TXNDC17: variants seen among roughly 807,000 people sequenced by gnomAD.
TXNDC17 encodes thioredoxin domain-containing protein 17.
A neutral mutation model predicts 16.3 loss-of-function variants in TXNDC17; 12 were observed. The ratio of observed to expected loss-of-function variants is 0.74; its 90% CI spans 0.47 to 1.19. The LOEUF is 1.19. TXNDC17 is among the 50% of genes most tolerant of loss of function. The probability of loss-of-function intolerance (pLI) is 0.00; values close to 1 mark genes in which losing one functional copy is unlikely to be tolerated. For synonymous variants in TXNDC17, 62 were observed against 55.0 expected, an observed-to-expected ratio of 1.13 and a Z score of -0.56; for missense variants, 158 against 149.7, an observed-to-expected ratio of 1.06 and a Z score of -0.29.
At position 6,641,217 on chromosome 17, in the gene TXNDC17, C is replaced by A. The variant is rs1255368863; in HGVS notation, c.135C>A (p.Asp45Glu). ...CCGGGGGGAAAAGCTGGTGCCCCGACTGCGTGCAGGGTGAGGCCGGGATTC... is the reference window on the plus strand; with the variant it reads ...CCGGGGGGAAAAGCTGGTGCCCCGAATGCGTGCAGGGTGAGGCCGGGATTC... ...KDAGGKSWCP[D>E]CVQAEPVVRE... Residue 45 changes from aspartate (D) to glutamate (E), a missense_variant, in exon 1 of 4, where the codon GAC (aspartate) becomes GAA (glutamate). Transcript: ENST00000250101. 2 of 1,613,470 alleles carry A rather than the reference C, an allele frequency of 1.2e-6. No homozygotes were observed. Among genetic ancestry groups the A allele is most frequent in the Admixed American group, 1.7e-5 (1 of 60,024 alleles).
intron 1 of TXNDC17, 129 bp from the exon 2 acceptor site, chr17:6,641,624 C>T (rs1360109880): frequency 2.3e-6 from 2 of 881,484 alleles, no homozygotes; most frequent in African/African-American, 1.7e-5. Context: ...CTTGTGTTGA[C>T]CTCTTCAGTT....
chr17:6,642,331 A>T lies in TXNDC17; in HGVS notation c.303+7A>T. 6.4e-7 allele frequency: 1 copy of T among 1,567,894 alleles called. No homozygotes were observed. On this transcript the variant is annotated splice_region_variant and intron_variant, in intron 3 of 3. Transcript: ENST00000250101. ...ACTACTTAAGTATGGAACAGTAAGT[A>T]TCTTTAAATATGCTGGGCCTGTAAT...
Position 6,643,116 on chromosome 17 carries a change from TA to T in TXNDC17, c.*104del. Reference sequence around the variant, plus strand: ...AATTCATGTTAGCAATAAATGATGTTAAAAAAACTGGCATGTGTCTAAACAA... The same window carrying T: ...AATTCATGTTAGCAATAAATGATGTTAAAAAACTGGCATGTGTCTAAACAA... On this transcript the variant is annotated 3_prime_UTR_variant, in exon 4 of 4. Transcript: ENST00000250101. The T allele has an allele frequency of 1.8e-6, 2 of 1,129,682 alleles. No individual in the cohort carries two copies. Among genetic ancestry groups the T allele is most frequent in the Non-Finnish European group, 2.6e-6 (2 of 757,792 alleles). 70.0% of individuals were successfully genotyped at this position (1,129,682 alleles called of 1,614,324 possible).
chr17:6,641,528 A>T, intron 1 of TXNDC17: 1 of 635,932 alleles, frequency 1.6e-6, no homozygotes, highest in Admixed American at 2.9e-5. Flanking sequence ...TTCCATTGTT[A>T]CGGGCGCGGT....
chr17:6,642,482 T>A (rs563432996), intron 3 of TXNDC17, 158 bp downstream of exon 3: 1 of 544,724 alleles, frequency 1.8e-6, no homozygotes, highest in African/African-American at 2.0e-5. Context: ...CCCAATAAAC[T>A]GATAATGTAA....
Position 6,644,155 on chromosome 17 carries a change from G to A in TXNDC17, c.*1136G>A, listed in dbSNP as rs537353353. The stretch of plus-strand genomic sequence containing the variant: ...GCCTTAGAATTCAGTATACTTGGTG[G>A]CCCACCCCTACCCCATGCCCCAGTG... On this transcript the variant is annotated 3_prime_UTR_variant, in exon 4 of 4. Transcript: ENST00000250101. The A allele has an allele frequency of 2.9e-4, 125 of 427,496 alleles. 1 individual carries two copies. In the East Asian group the frequency reaches 4.2e-3, roughly 14 times the overall value. 26.5% of individuals were successfully genotyped at this position (427,496 alleles called of 1,614,324 possible).
At position 6,641,144 on chromosome 17, in the gene TXNDC17, A is replaced by G. The variant is rs1412305383; in HGVS notation, c.62A>G (p.Gln21Arg). 4 of 1,613,738 alleles carry G rather than the reference A, an allele frequency of 2.5e-6. No homozygotes were observed. Among genetic ancestry groups the G allele is most frequent in the East Asian group, 2.2e-5 (1 of 44,898 alleles). Reference sequence around the variant, plus strand: ...GAGGAGTTCCACCGGGCCGTGGAACAGCACAATGGCAAGACCATTTTCGCC... The same window carrying G: ...GAGGAGTTCCACCGGGCCGTGGAACGGCACAATGGCAAGACCATTTTCGCC... The part of the protein sequence containing the change: ...GFEEFHRAVE[Q>R]HNGKTIFAYF... The change falls in exon 1 of 4, where the codon CAG (glutamine) becomes CGG (arginine). Residue 21 changes from glutamine (Q) to arginine (R), a missense_variant. Gln to Arg is a conservative substitution (Grantham distance 43). Transcript: ENST00000250101.
chr17:6,642,181 T>G, intron 2 of TXNDC17, 68 bp from the exon 3 acceptor site: 7 of 1,147,354 alleles, frequency 6.1e-6, no homozygotes, highest in Non-Finnish European at 9.0e-6. Flanking sequence ...TAGGACTATG[T>G]CAAATATTAA....
chr17:6,644,005 T>G lies in TXNDC17; in HGVS notation c.*986T>G, dbSNP rs1435177846. 1 of 398,930 alleles carries G rather than the reference T, an allele frequency of 2.5e-6. No individual in the cohort carries two copies. The highest frequency in any genetic ancestry group is 4.4e-6 in the Non-Finnish European group (1 of 226,474). 24.7% of individuals were successfully genotyped at this position (398,930 alleles called of 1,614,324 possible). On this transcript the variant is annotated 3_prime_UTR_variant, in exon 4 of 4. Coordinates refer to ENST00000250101, the MANE Select transcript of TXNDC17 (RefSeq NM_032731.4). The stretch of plus-strand genomic sequence containing the variant: ...GAACCTTTATGCAGTTCCTGTCCTA[T>G]GATTTAAAGAGGTCAGTGACTCCGC...
chr17:6,641,333 C>G lies in TXNDC17; in HGVS notation c.145+106C>G, dbSNP rs955556389. 3 of 1,511,296 alleles carry G rather than the reference C, an allele frequency of 2.0e-6. No individual in the cohort carries two copies. The East Asian group carries it at 6.8e-5, about 34-fold the overall frequency. 93.6% of individuals were successfully genotyped at this position (1,511,296 alleles called of 1,614,324 possible). ...AGGCAGAGTCTTGGTTCCAGACATC[C>G]GCGGAGCAATCTGAGCTGTCCCCAA... On this transcript the variant is annotated intron_variant, in intron 1 of 3. Transcript: ENST00000250101.
In TXNDC17 at chr17:6,642,984, G is replaced by A; in HGVS notation, c.337G>A (p.Ala113Thr). Residue 113 changes from alanine to threonine, a missense_variant, in exon 4 of 4, where the codon GCC becomes ACC. Transcript: ENST00000250101. The part of the protein sequence containing the change: ...QKLVESECLQ[A>T]NLVEMLFSED Reference sequence around the variant, plus strand: ...ACTGGTAGAATCTGAGTGTCTTCAGGCCAACCTGGTGGAAATGTTGTTCTC... The same window carrying A: ...ACTGGTAGAATCTGAGTGTCTTCAGACCAACCTGGTGGAAATGTTGTTCTC... The A allele has an allele frequency of 6.2e-7, 1 of 1,613,922 alleles. No homozygotes were observed. The highest frequency in any genetic ancestry group is 8.5e-7 in the Non-Finnish European group (1 of 1,179,964).
Position 6,641,075 on chromosome 17 carries a change from T to G in TXNDC17, c.-8T>G. 1 of 1,611,636 alleles carries G rather than the reference T, an allele frequency of 6.2e-7. No homozygotes were observed. Among genetic ancestry groups the G allele is most frequent in the Non-Finnish European group, 8.5e-7 (1 of 1,179,480 alleles). Reference sequence around the variant, plus strand: ...GCACTCCTCCAGTAGCGGCTGCACGTCGTGCCAATGGCCCGCTATGAGGAG... The same window carrying G: ...GCACTCCTCCAGTAGCGGCTGCACGGCGTGCCAATGGCCCGCTATGAGGAG... On this transcript the variant is annotated 5_prime_UTR_variant, in exon 1 of 4. Coordinates refer to ENST00000250101, the MANE Select transcript of TXNDC17 (RefSeq NM_032731.4).
chr17:6,641,095 G>A lies in TXNDC17; in HGVS notation c.13G>A (p.Glu5Lys), dbSNP rs771309059. The A allele has an allele frequency of 1.2e-6, 2 of 1,613,302 alleles. No homozygotes were observed. The highest frequency in any genetic ancestry group is 2.2e-5 in the South Asian group (2 of 91,058). ...GCACGTCGTGCCAATGGCCCGCTATGAGGAGGTGAGCGTGTCCGGCTTCGA... is the reference window on the plus strand; with the variant it reads ...GCACGTCGTGCCAATGGCCCGCTATAAGGAGGTGAGCGTGTCCGGCTTCGA... The part of the protein sequence containing the change: MARY[E>K]EVSVSGFEEF... The change falls in exon 1 of 4, where the codon GAG becomes AAG. Residue 5 changes from glutamate to lysine, a missense_variant. Transcript: ENST00000250101.
Position 6,644,144 on chromosome 17 carries a change from T to C in TXNDC17, c.*1125T>C. 2.3e-6 allele frequency: 1 copy of C among 425,910 alleles called. No individual in the cohort carries two copies. The highest frequency in any genetic ancestry group is 4.1e-6 in the Non-Finnish European group (1 of 241,700). 26.4% of individuals were successfully genotyped at this position (425,910 alleles called of 1,614,324 possible). ...AGGAACAGCTAGCCTTAGAATTCAG[T>C]ATACTTGGTGGCCCACCCCTACCCC... is the stretch of plus-strand genomic sequence containing the variant. On this transcript the variant is annotated 3_prime_UTR_variant, in exon 4 of 4. Coordinates refer to ENST00000250101, the MANE Select transcript of TXNDC17 (RefSeq NM_032731.4).
intron 2 of TXNDC17, 31 bp from the exon 3 acceptor site, chr17:6,642,218 T>A: frequency 1.3e-6 from 2 of 1,510,590 alleles, no homozygotes; most frequent in Admixed American, 3.6e-5. Flanking sequence ...CAAGTAAATT[T>A]TTTTCATGAT....
chr17:6,641,362 T>A, intron 1 of TXNDC17, 135 bp downstream of exon 1: 1 of 1,303,676 alleles, frequency 7.7e-7, no homozygotes, highest in Non-Finnish European at 1.0e-6. Flanking sequence ...TCCCCAAGTC[T>A]CCTTCTATTA....
intron 3 of TXNDC17, 86 bp downstream of exon 3, chr17:6,642,410 A>C: frequency 1.1e-6 from 1 of 941,218 alleles, no homozygotes; most frequent in Admixed American, 2.5e-5. Flanking sequence ...AAAGATCTTG[A>C]CATTTCATCT....
In TXNDC17 at chr17:6,641,773, G is replaced by A; in HGVS notation, c.166G>A (p.Gly56Arg). The A allele has an allele frequency of 6.2e-7, 1 of 1,614,060 alleles. No individual in the cohort carries two copies. Among genetic ancestry groups the A allele is most frequent in the Non-Finnish European group, 8.5e-7 (1 of 1,179,996 alleles). ...TAAAGCTGAACCAGTCGTACGAGAGGGGCTGAAGCACATTAGTGAAGGATG... is the reference window on the plus strand; with the variant it reads ...TAAAGCTGAACCAGTCGTACGAGAGAGGCTGAAGCACATTAGTGAAGGATG... ...CVQAEPVVRE[G>R]LKHISEGCVF... The change falls in exon 2 of 4, where the codon GGG becomes AGG. Residue 56 changes from glycine to arginine, a missense_variant. Transcript: ENST00000250101.
chr17:6,644,306 T>TA lies in TXNDC17; in HGVS notation c.*1288dup. ...AAGAACAATTCAGGTTTAACAGAAATAGTCTATTAACAATAAAAAGTTGGA... is the reference window on the plus strand; with the variant it reads ...AAGAACAATTCAGGTTTAACAGAAATAAGTCTATTAACAATAAAAAGTTGGA... On this transcript the variant is annotated 3_prime_UTR_variant, in exon 4 of 4. Coordinates refer to ENST00000250101, the MANE Select transcript of TXNDC17 (RefSeq NM_032731.4). 1.4e-6 allele frequency: 1 copy of TA among 722,778 alleles called. No individual in the cohort carries two copies. Among genetic ancestry groups the TA allele is most frequent in the Non-Finnish European group, 2.0e-6 (1 of 490,484 alleles). The allele number at this position is 722,778 out of a possible 1,614,324, so 44.8% of individuals were successfully genotyped here.
Sources: gnomAD v4.1 joint callset for allele counts on GRCh38, gnomAD v4.1.1 for gene constraint, MANE v1.5 for transcripts, NCBI Gene and HGNC (gene_info 2026-07-23, HGNC 2026-07-21) for gene names.